CYFIP1: variants seen among roughly 807,000 people sequenced by gnomAD.
CYFIP1 encodes the protein cytoplasmic FMR1 interacting protein 1, also known as cytoplasmic FMR1-interacting protein 1.
In CYFIP1, 58 loss-of-function variants were observed where a neutral mutation model predicts 163.5. That is an observed-to-expected ratio of 0.35 (90% confidence interval 0.29 to 0.44). The LOEUF is 0.44. CYFIP1 is among the 20% of genes least tolerant of loss of function. The probability of loss-of-function intolerance (pLI) is 1.00; values close to 1 mark genes in which losing one functional copy is unlikely to be tolerated. For missense variants in CYFIP1, 1,338 were observed against 1,653.8 expected, an observed-to-expected ratio of 0.81 and a Z score of 3.31; for synonymous variants, 663 against 660.7, an observed-to-expected ratio of 1.00 and a Z score of -0.05.
In CYFIP1 at chr15:22,977,112, T is replaced by C. The variant is rs186489527; in HGVS notation, c.-7+3175A>G. Reference sequence around the variant, plus strand: ...TACTCGGGAGGCTGAGGCAGGAGAATCGCTTGAACCCGGGAGGCAGAGGTT... The same window carrying C: ...TACTCGGGAGGCTGAGGCAGGAGAACCGCTTGAACCCGGGAGGCAGAGGTT... On this transcript the variant is annotated intron_variant, in intron 1 of 30. Transcript: ENST00000617928. Among the ~76,000 whole-genome samples the C allele has an allele frequency of 4.6e-3, 693 of 151,940 alleles. 6 individuals carry two copies. The highest frequency in any genetic ancestry group is 0.015 in the African/African-American group (607 of 41,418).
intron 1 of CYFIP1, among the ~76,000 whole-genome samples, chr15:22,969,630 CA>C (rs1180406325): frequency 6.6e-6 from 1 of 152,078 alleles, no homozygotes; most frequent in Non-Finnish European, 1.5e-5. Flanking sequence ...GAACAAATAA[CA>C]AAATGACAGA....
intron 17 of CYFIP1, 200 bp from the exon 18 acceptor site, chr15:22,912,475 G>A (rs2142072513): frequency 2.0e-6 from 1 of 493,650 alleles, no homozygotes; most frequent in Non-Finnish European, 3.5e-6. Flanking sequence ...CAGGCTGCGA[G>A]GATGCTTGGG....
Position 22,933,787 on chromosome 15 carries a change from T to G in CYFIP1, c.992+15A>C. The G allele has an allele frequency of 6.2e-7, 1 of 1,604,020 alleles. No individual in the cohort carries two copies. Among genetic ancestry groups the G allele is most frequent in the Non-Finnish European group, 8.5e-7 (1 of 1,173,378 alleles). On this transcript the variant is annotated intron_variant, in intron 10 of 30. Coordinates refer to ENST00000617928, the MANE Select transcript of CYFIP1 (RefSeq NM_014608.6). ...TGCCGAAAGCTCAAACCAGGCAGCTTTCCTCTCCTCCTACCGAGATTTATT... is the reference window on the plus strand; with the variant it reads ...TGCCGAAAGCTCAAACCAGGCAGCTGTCCTCTCCTCCTACCGAGATTTATT...
chr15:22,949,590 C>T (rs2062180798), intron 1 of CYFIP1, among the ~76,000 whole-genome samples: 1 of 152,166 alleles, frequency 6.6e-6, no homozygotes, highest in African/African-American at 2.4e-5. Flanking sequence ...AATCAAAGTA[C>T]TGTCTAATGG....
chr15:22,880,111 C>T, intron 25 of CYFIP1, 68 bp from the exon 26 acceptor site: 2 of 1,594,050 alleles, frequency 1.3e-6, no homozygotes, highest in Non-Finnish European at 1.7e-6. Flanking sequence ...CCTGGGTCCA[C>T]AGCCAGGAGC....
chr15:22,925,882 T>C, intron 13 of CYFIP1, 100 bp downstream of exon 13: 1 of 1,523,576 alleles, frequency 6.6e-7, no homozygotes, highest in Non-Finnish European at 8.9e-7. Flanking sequence ...ACAGAAGCAA[T>C]GAGTAAACAG....
chr15:22,979,824 A>C (rs1377696294), intron 1 of CYFIP1, among the ~76,000 whole-genome samples: 2 of 152,010 alleles, frequency 1.3e-5, no homozygotes, highest in Non-Finnish European at 2.9e-5. Context: ...CGAAACAAAA[A>C]CGGGTTCAGA....
Position 22,867,713 on chromosome 15 carries a change from TGA to T in CYFIP1, c.*2313_*2314del, listed in dbSNP as rs2059212243. ...TTTAGCTCATGTTATAATAAAAAGT[TGA>T]AATGAAGTTCTTATTCTAAAAGTCT... On this transcript the variant is annotated 3_prime_UTR_variant, in exon 31 of 31. Transcript: ENST00000617928. The T allele has an allele frequency of 6.6e-6, 1 of 152,180 alleles. No homozygotes were observed. The highest frequency in any genetic ancestry group is 1.5e-5 in the Non-Finnish European group (1 of 68,102). 9.4% of individuals were successfully genotyped at this position (152,180 alleles called of 1,614,324 possible).
chr15:22,897,040 C>T (rs2060259072), intron 22 of CYFIP1, among the ~76,000 whole-genome samples: 1 of 152,040 alleles, frequency 6.6e-6, no homozygotes, highest in Admixed American at 6.6e-5. Context: ...TGGTGAAACC[C>T]CATGTCTACT....
intron 21 of CYFIP1, among the ~76,000 whole-genome samples, chr15:22,907,557 T>A (rs1235315562): frequency 1.3e-5 from 2 of 152,198 alleles, no homozygotes; most frequent in African/African-American, 4.8e-5. Context: ...AGAAAGGACC[T>A]TGTGCATTTT....
intron 17 of CYFIP1, among the ~76,000 whole-genome samples, chr15:22,913,780 T>C (rs2060876728): frequency 6.6e-6 from 1 of 151,974 alleles, no homozygotes; most frequent in African/African-American, 2.4e-5. Context: ...TCCAAGCTGG[T>C]TCCAGCTCCT....
intron 21 of CYFIP1, among the ~76,000 whole-genome samples, chr15:22,908,775 C>T (rs551752229): frequency 1.1e-3 from 165 of 152,114 alleles, no homozygotes; most frequent in Middle Eastern, 3.4e-3. Context: ...ATGATCCACC[C>T]CCGCAGGCCT....
At chr15:22,934,799 A>G (rs931661177) in intron 9 of CYFIP1, among the ~76,000 whole-genome samples, 1 of 152,066 alleles carries the variant, frequency 6.6e-6, no homozygotes, top group African/African-American at 2.4e-5. Context: ...TGCCCAGCCA[A>G]CTGCATTTCT....
chr15:22,882,781 TCACAGTCCA>T, intron 24 of CYFIP1, 78 bp downstream of exon 24: 1 of 1,472,624 alleles, frequency 6.8e-7, no homozygotes, highest in Non-Finnish European at 9.2e-7. Context: ...TGTTGGAGAA[TCACAGTCCA>T]GGCAGAGAAG....
intron 11 of CYFIP1, among the ~76,000 whole-genome samples, chr15:22,930,217 A>G (rs961427574): frequency 5.3e-5 from 8 of 150,510 alleles, no homozygotes; most frequent in African/African-American, 2.0e-4. Flanking sequence ...CACACAAAAA[A>G]AAACACAAAA....
intron 1 of CYFIP1, among the ~76,000 whole-genome samples, chr15:22,972,865 G>A (rs1278620627): frequency 2.6e-5 from 4 of 152,054 alleles, no homozygotes; most frequent in African/African-American, 9.7e-5. Context: ...AAATTAGGCG[G>A]TGGCTCACAC....
Position 22,910,730 on chromosome 15 carries a change from T to C in CYFIP1, c.2159+7A>G, listed in dbSNP as rs553070835. The C allele has an allele frequency of 1.9e-6, 3 of 1,612,456 alleles. No individual in the cohort carries two copies. The highest frequency in any genetic ancestry group is 1.7e-5 in the Admixed American group (1 of 60,018). On this transcript the variant is annotated splice_region_variant and intron_variant, in intron 19 of 30. Coordinates refer to ENST00000617928, the MANE Select transcript of CYFIP1 (RefSeq NM_014608.6). ...TTTTGTATCAAAATCACACACCAGA[T>C]ACTCACCTTCCTGCCATAACCTTAT...
intron 21 of CYFIP1, among the ~76,000 whole-genome samples, 155 bp downstream of exon 21, chr15:22,909,039 G>A (rs978814919): frequency 6.6e-6 from 1 of 151,680 alleles, no homozygotes; most frequent in African/African-American, 2.4e-5. Context: ...AAGAGGCTTG[G>A]TATAGGCCAC....
intron 11 of CYFIP1, among the ~76,000 whole-genome samples, chr15:22,928,566 G>A (rs1294687941): frequency 2.6e-5 from 4 of 152,178 alleles, no homozygotes; most frequent in Admixed American, 6.5e-5. Context: ...CGGGCTGGGC[G>A]CGGGGCTGTT....
Sources: gnomAD v4.1 joint callset for allele counts (sites outside exome capture counted in the v4.1 genomes callset) on GRCh38, gnomAD v4.1.1 for gene constraint, MANE v1.5 for transcripts, NCBI Gene and HGNC (gene_info 2026-07-23, HGNC 2026-07-21) for gene names.